Variants in ARID5B observed in about 807,000 individuals in gnomAD.
ARID5B encodes AT-rich interaction domain 5B.
ARID5B carries 13 observed loss-of-function variants against 97.2 expected under a neutral mutation model. That is an observed-to-expected ratio of 0.13 (90% CI 0.09 to 0.21). The LOEUF (loss-of-function observed/expected upper bound fraction) is 0.21. Ranked by LOEUF, ARID5B falls within the 10% of genes least tolerant of loss-of-function variation. ARID5B has a pLI of 1.00. For missense variants in ARID5B, 1,210 were observed against 1,465.3 expected (o/e 0.83, Z 2.84); for synonymous variants, 556 against 570.3 (o/e 0.97, Z 0.36).
At chr10:62,075,304 CA>C (rs1253094449) in intron 8 of ARID5B, among the ~76,000 whole-genome samples, 2 of 152,196 alleles carry the variant, frequency 1.3e-5, no homozygotes, top group African/African-American at 4.8e-5. Context: ...ACACTGGCTC[CA>C]ATATTTAAAA....
At chr10:62,056,908 G>A (rs1274672391) in intron 5 of ARID5B, among the ~76,000 whole-genome samples, 1 of 152,124 alleles carries the variant, frequency 6.6e-6, no homozygotes, top group Non-Finnish European at 1.5e-5. Flanking sequence ...CAATATTTAC[G>A]ATGTGGCCCT....
At chr10:62,059,316 A>C (rs1415488173) in intron 7 of ARID5B, 21 bp downstream of exon 7, 18 of 1,606,412 alleles carry the variant, frequency 1.1e-5, no homozygotes, top group Admixed American at 1.7e-5. Flanking sequence ...AAGCAACTTA[A>C]ATGAAATAAT....
chr10:61,984,694 C>T (rs184827416), intron 3 of ARID5B, among the ~76,000 whole-genome samples: 48 of 152,340 alleles, frequency 3.2e-4, no homozygotes, highest in African/African-American at 1.1e-3. Context: ...AGCGCAGCCT[C>T]GCTGCCTTCA....
At chr10:62,044,105 T>C (rs1274508754) in intron 4 of ARID5B, among the ~76,000 whole-genome samples, 1 of 152,060 alleles carries the variant, frequency 6.6e-6, no homozygotes, top group Non-Finnish European at 1.5e-5. Context: ...AACAAGCACT[T>C]GGATTCTGTG....
chr10:62,021,844 G>A (rs1839359987), intron 4 of ARID5B, among the ~76,000 whole-genome samples: 1 of 152,204 alleles, frequency 6.6e-6, no homozygotes, highest in African/African-American at 2.4e-5. Flanking sequence ...ATATTTTATA[G>A]CCGGGTCTTT....
chr10:62,062,779 C>CAAA (rs55969343), intron 7 of ARID5B, among the ~76,000 whole-genome samples: 3 of 86,202 alleles, frequency 3.5e-5, no homozygotes, highest in African/African-American at 8.6e-5. Flanking sequence ...GGCCTTTGTG[C>CAAA]AAAAAAAAAA....
At chr10:62,077,880 T>C (rs1840159296) in intron 8 of ARID5B, among the ~76,000 whole-genome samples, 2 of 152,178 alleles carry the variant, frequency 1.3e-5, no homozygotes, top group African/African-American at 2.4e-5. Flanking sequence ...AAAGGAACTA[T>C]TGAAAATTCA....
chr10:61,906,152 C>G (rs1843704044), intron 2 of ARID5B, among the ~76,000 whole-genome samples: 1 of 151,850 alleles, frequency 6.6e-6, no homozygotes, highest in African/African-American at 2.4e-5. Flanking sequence ...CTATAAAGTA[C>G]TTAAATAAAT....
In ARID5B at chr10:62,092,174, A is replaced by G. The variant is rs745616945; in HGVS notation, c.2711A>G (p.Gln904Arg). The change falls in exon 10 of 10, where the codon CAG becomes CGG. Residue 904 changes from glutamine to arginine, a missense_variant. By Grantham distance (43) the Gln-to-Arg change is conservative. Coordinates refer to ENST00000279873, the MANE Select transcript of ARID5B (RefSeq NM_032199.3). The part of the protein sequence containing the change: ...SAAAEAPTDD[Q>R]PTDLSLPKNP... ...GCAGCAGAAGCCCCTACGGATGATC[A>G]GCCTACAGATCTGAGCCTTCCCAAG... 1 of 1,608,960 alleles carries G rather than the reference A, an allele frequency of 6.2e-7. No homozygotes were observed.
At chr10:62,076,866 A>G (rs889670051) in intron 8 of ARID5B, among the ~76,000 whole-genome samples, 2 of 152,048 alleles carry the variant, frequency 1.3e-5, no homozygotes, top group Non-Finnish European at 2.9e-5. Context: ...ATGGACTTGC[A>G]TTTCCTTTCC....
rs77159962 is a variant in ARID5B at position 62,030,028 on chromosome 10, T to C, written c.734-20860T>C. On this transcript the variant is annotated intron_variant, in intron 4 of 9. Coordinates refer to ENST00000279873, the MANE Select transcript of ARID5B (RefSeq NM_032199.3). ...TGATAAGTTTATTGGGTTCTAAAGC[T>C]AGATGTAATAATTGACGAGCCACAA... Among the ~76,000 whole-genome samples, 36 of 152,262 alleles carry C rather than the reference T, an allele frequency of 2.4e-4. 2 individuals are homozygous for C. In the East Asian group the frequency reaches 6.9e-3, roughly 29 times the overall value.
intron 3 of ARID5B, among the ~76,000 whole-genome samples, chr10:61,966,487 C>G (rs1198116033): frequency 1.3e-5 from 2 of 152,086 alleles, no homozygotes; most frequent in African/African-American, 4.8e-5. Flanking sequence ...CCATCGTTCT[C>G]TCAGTGATAT....
intron 3 of ARID5B, among the ~76,000 whole-genome samples, chr10:61,988,847 C>T (rs1195278124): frequency 6.6e-6 from 1 of 151,630 alleles, no homozygotes; most frequent in Non-Finnish European, 1.5e-5. Flanking sequence ...TCAAGAGATG[C>T]TATAAATGTA....
intron 2 of ARID5B, among the ~76,000 whole-genome samples, chr10:61,936,221 T>A (rs930299404): frequency 1.3e-5 from 2 of 152,254 alleles, no homozygotes; most frequent in South Asian, 4.1e-4. Context: ...GGCCCTTTTT[T>A]AAAACTTGCT....
intron 4 of ARID5B, among the ~76,000 whole-genome samples, chr10:62,036,859 G>A (rs1241883143): frequency 6.6e-6 from 1 of 152,192 alleles, no homozygotes; most frequent in Non-Finnish European, 1.5e-5. Context: ...CTTTTCTGAT[G>A]TGGAGAATGA....
chr10:62,087,127 G>A (rs145947185), intron 9 of ARID5B, among the ~76,000 whole-genome samples: 8,745 of 151,190 alleles, frequency 0.058, 281 homozygotes, highest in Non-Finnish European at 0.08. Flanking sequence ...GTAAAACCCC[G>A]TCTCTACTAA....
At chr10:62,005,345 T>G (rs914095755) in intron 4 of ARID5B, among the ~76,000 whole-genome samples, 1 of 152,222 alleles carries the variant, frequency 6.6e-6, no homozygotes, top group Non-Finnish European at 1.5e-5. Flanking sequence ...ACAGCCAACT[T>G]GCTGGACACA....
intron 3 of ARID5B, among the ~76,000 whole-genome samples, chr10:61,971,907 A>T (rs1838633215): frequency 6.6e-6 from 1 of 152,130 alleles, no homozygotes; most frequent in East Asian, 1.9e-4. Context: ...AAAACATGAA[A>T]GTTTGGTATA....
intron 3 of ARID5B, among the ~76,000 whole-genome samples, chr10:61,964,458 A>C (rs1838516510): frequency 6.6e-6 from 1 of 152,184 alleles, no homozygotes; most frequent in Admixed American, 6.5e-5. Context: ...ATCCCACCCT[A>C]TAATGCTTAA....
Sources: gnomAD v4.1 joint callset for allele counts (sites outside exome capture counted in the v4.1 genomes callset) on GRCh38, gnomAD v4.1.1 for gene constraint, MANE v1.5 for transcripts, NCBI Gene and HGNC (gene_info 2026-07-23, HGNC 2026-07-21) for gene names.